Variants in RAB3IP observed in about 807,000 individuals in gnomAD.
The protein encoded by RAB3IP is RAB3A interacting protein.
A neutral mutation model predicts 59.1 loss-of-function variants in RAB3IP; 36 were observed. The ratio of observed to expected loss-of-function variants is 0.61; its 90% CI spans 0.47 to 0.80. The LOEUF is 0.80. RAB3IP is among the 30% of genes least tolerant of loss of function. RAB3IP has a pLI of 0.00. For synonymous variants in RAB3IP, 207 were observed against 191.2 expected, an observed-to-expected ratio of 1.08 and a Z score of -0.68; for missense variants, 511 against 536.0, an observed-to-expected ratio of 0.95 and a Z score of 0.46.
intron 1 of RAB3IP, among the ~76,000 whole-genome samples, chr12:69,744,432 T>C (rs1018000053): frequency 1.3e-5 from 2 of 151,906 alleles, no homozygotes; most frequent in Non-Finnish European, 1.5e-5. Flanking sequence ...CATTGAAGTG[T>C]TGTGGAATTA....
intron 6 of RAB3IP, among the ~76,000 whole-genome samples, chr12:69,799,016 A>G (rs1877962996): frequency 1.3e-5 from 2 of 152,206 alleles, no homozygotes; most frequent in South Asian, 2.1e-4. Flanking sequence ...TTTCTCAGTA[A>G]CTTTACAAAG....
At chr12:69,742,118 G>A (rs1274338203) in intron 1 of RAB3IP, among the ~76,000 whole-genome samples, 1 of 152,158 alleles carries the variant, frequency 6.6e-6, no homozygotes, top group Non-Finnish European at 1.5e-5. Context: ...TGTCAACTAA[G>A]ACAAAGTGCT....
chr12:69,810,095 T>G (rs1323691405), intron 8 of RAB3IP, among the ~76,000 whole-genome samples: 3 of 152,192 alleles, frequency 2.0e-5, no homozygotes, highest in Non-Finnish European at 2.9e-5. Context: ...GTCCTTTCTG[T>G]TTGTTAGTTT....
Position 69,819,763 on chromosome 12 carries a change from GC to G in RAB3IP, c.*4319del, listed in dbSNP as rs150266207. 9.8e-4 allele frequency: 150 copies of G among 152,340 alleles called. No individual in the cohort carries two copies. Among genetic ancestry groups the G allele is most frequent in the African/African-American group, 3.6e-3 (150 of 41,556 alleles). The allele number at this position is 152,340 out of a possible 1,614,324, so 9.4% of individuals were successfully genotyped here. Reference sequence around the variant, plus strand: ...AAGTTGGTTTGGAGCTGGGGTGAGAGCCTGGCCTAATGGAGACAGCTCTGGA... The same window carrying G: ...AAGTTGGTTTGGAGCTGGGGTGAGAGCTGGCCTAATGGAGACAGCTCTGGA... On this transcript the variant is annotated 3_prime_UTR_variant, in exon 11 of 11. Transcript: ENST00000247833.
chr12:69,799,763 A>G (rs1477408557), intron 6 of RAB3IP, among the ~76,000 whole-genome samples: 1 of 152,164 alleles, frequency 6.6e-6, no homozygotes, highest in African/African-American at 2.4e-5. Flanking sequence ...AGACACTATA[A>G]TTAATTAGGT....
intron 3 of RAB3IP, among the ~76,000 whole-genome samples, chr12:69,768,563 T>C (rs990438841): frequency 6.6e-6 from 1 of 152,130 alleles, no homozygotes; most frequent in Non-Finnish European, 1.5e-5. Context: ...GATTTCTCCC[T>C]GGGGTGGAGT....
intron 3 of RAB3IP, among the ~76,000 whole-genome samples, chr12:69,782,203 C>T (rs567016382): frequency 7.9e-5 from 12 of 152,158 alleles, no homozygotes; most frequent in South Asian, 2.1e-4. Flanking sequence ...CTCGCTCTAT[C>T]GCCCAGGCTG....
intron 3 of RAB3IP, among the ~76,000 whole-genome samples, chr12:69,781,607 T>C (rs1047055031): frequency 3.3e-5 from 5 of 152,234 alleles, no homozygotes; most frequent in African/African-American, 1.2e-4. Context: ...CAGATTGTCA[T>C]AGAGTTGGAA....
chr12:69,743,208 C>T (rs995756504), intron 1 of RAB3IP, among the ~76,000 whole-genome samples: 1 of 152,088 alleles, frequency 6.6e-6, no homozygotes, highest in African/African-American at 2.4e-5. Context: ...TTGATATGCC[C>T]AGATAAAAGT....
intron 3 of RAB3IP, among the ~76,000 whole-genome samples, chr12:69,757,358 G>T (rs1870396707): frequency 6.6e-6 from 1 of 152,146 alleles, no homozygotes; most frequent in Non-Finnish European, 1.5e-5. Context: ...AAAAATCAAT[G>T]AAATTGATAA....
In RAB3IP at chr12:69,817,534, A is replaced by G. The variant is rs987273511; in HGVS notation, c.*2088A>G. 6.6e-6 allele frequency: 1 copy of G among 152,038 alleles called. No homozygotes were observed. Among genetic ancestry groups the G allele is most frequent in the Admixed American group, 6.6e-5 (1 of 15,262 alleles). The allele number at this position is 152,038 out of a possible 1,614,324, so 9.4% of individuals were successfully genotyped here. ...ATTTAGAAATCGTGCATCAGTAGTT[A>G]GGCATTGTGGCTCATGCCTGTAATC... On this transcript the variant is annotated 3_prime_UTR_variant, in exon 11 of 11. Transcript: ENST00000247833.
Position 69,794,496 on chromosome 12 carries a change from A to G in RAB3IP, c.666A>G (p.Leu222=). The G allele has an allele frequency of 6.2e-7, 1 of 1,612,884 alleles. No individual in the cohort carries two copies. The change falls in exon 5 of 11, where the codon CTA becomes CTG. Residue 222 remains leucine (L), a synonymous_variant. Transcript: ENST00000247833. The part of the protein sequence containing the change: ...NIKQATAEKQ[L]KEAQGKIDVL... ...AGCAGGCAACAGCAGAAAAACAGCT[A>G]AAAGAAGCACAAGGAAAAGTGAGTT...
chr12:69,805,594 T>G (rs1205596709), intron 8 of RAB3IP, among the ~76,000 whole-genome samples: 1 of 151,044 alleles, frequency 6.6e-6, no homozygotes, highest in Non-Finnish European at 1.5e-5. Flanking sequence ...AGGGAATGCT[T>G]CCAGTTTTTG....
At chr12:69,759,022 G>A (rs1433535881) in intron 3 of RAB3IP, among the ~76,000 whole-genome samples, 2 of 150,282 alleles carry the variant, frequency 1.3e-5, no homozygotes, top group Non-Finnish European at 3.0e-5. Context: ...ATTCTTGGGT[G>A]TTTCTCGCAG....
intron 3 of RAB3IP, among the ~76,000 whole-genome samples, chr12:69,783,038 A>G (rs1875015879): frequency 1.3e-5 from 2 of 152,114 alleles, no homozygotes; most frequent in Non-Finnish European, 2.9e-5. Context: ...ATTCGGTACC[A>G]GTCTGATTTT....
In RAB3IP at chr12:69,762,776, A is replaced by G. The variant is rs1209657574; in HGVS notation, c.510+6113A>G. On this transcript the variant is annotated intron_variant, in intron 3 of 10. Coordinates refer to ENST00000247833, the MANE Select transcript of RAB3IP (RefSeq NM_022456.5). ...CGTCTCAAAAAAAAAAAAAAAAAAA[A>G]AAAGAAAAAAGAGAAAAAGAGAAAA... Among the ~76,000 whole-genome samples the G allele has an allele frequency of 6.0e-5, 9 of 149,410 alleles. No homozygotes were observed. The South Asian group carries it at 8.4e-4, about 14-fold the overall frequency.
chr12:69,750,836 A>C (rs955477803), intron 1 of RAB3IP, among the ~76,000 whole-genome samples: 9 of 151,818 alleles, frequency 5.9e-5, no homozygotes, highest in African/African-American at 2.2e-4. Context: ...TTGTGACAAG[A>C]TGTGATCAGT....
intron 6 of RAB3IP, chr12:69,796,752 A>G: frequency 2.2e-6 from 1 of 455,504 alleles, no homozygotes; most frequent in Middle Eastern, 3.9e-4. Flanking sequence ...CTTTAATTCT[A>G]ATTCTTTGGA....
chr12:69,759,512 C>T lies in RAB3IP; in HGVS notation c.510+2849C>T, dbSNP rs1478032600. On this transcript the variant is annotated intron_variant, in intron 3 of 10. Coordinates refer to ENST00000247833, the MANE Select transcript of RAB3IP (RefSeq NM_022456.5). Reference sequence around the variant, plus strand: ...TGAGCTGTTGGGTACACCTCCCAGACGGGGTGGTGGCCGGGCAGAGGAGCT... The same window carrying T: ...TGAGCTGTTGGGTACACCTCCCAGATGGGGTGGTGGCCGGGCAGAGGAGCT... Among the ~76,000 whole-genome samples, 9 of 152,110 alleles carry T rather than the reference C, an allele frequency of 5.9e-5. No homozygotes were observed. The East Asian group carries it at 1.2e-3, about 20-fold the overall frequency.
Sources: allele counts gnomAD v4.1 joint callset (sites outside exome capture counted in the v4.1 genomes callset), GRCh38; gene constraint gnomAD v4.1.1; transcripts MANE v1.5; gene names NCBI Gene and HGNC (gene_info 2026-07-23, HGNC 2026-07-21).